Variants in MAP2 observed in about 807,000 individuals in gnomAD.
The protein encoded by MAP2 is microtubule associated protein 2, also known as microtubule-associated protein 2.
MAP2 carries 14 observed loss-of-function variants against 137.6 expected under a neutral mutation model. The ratio of observed to expected loss-of-function variants is 0.10; its 90% CI spans 0.07 to 0.16. The LOEUF (loss-of-function observed/expected upper bound fraction) is 0.16, where lower values mean the gene tolerates loss of function less well. Ranked by LOEUF, MAP2 falls within the 10% of genes least tolerant of loss-of-function variation. The probability of loss-of-function intolerance (pLI) is 1.00; values close to 1 mark genes in which losing one functional copy is unlikely to be tolerated. For missense variants in MAP2, 2,088 were observed against 2,191.5 expected (o/e 0.95, Z 0.94); for synonymous variants, 786 against 782.3 (o/e 1.00, Z -0.08).
intron 1 of MAP2, among the ~76,000 whole-genome samples, chr2:209,439,991 A>C (rs1391424000): frequency 6.6e-6 from 1 of 151,560 alleles, no homozygotes; most frequent in African/African-American, 2.4e-5. Context: ...CACTGTGTTT[A>C]GATTTATCAC....
At chr2:209,659,157 G>A (rs2042255520) in intron 5 of MAP2, among the ~76,000 whole-genome samples, 1 of 152,094 alleles carries the variant, frequency 6.6e-6, no homozygotes, top group Non-Finnish European at 1.5e-5. Flanking sequence ...ACCTCAAGAA[G>A]TGGTATGGAT....
At chr2:209,723,066 A>G (rs1360515664) in intron 13 of MAP2, among the ~76,000 whole-genome samples, 3 of 152,192 alleles carry the variant, frequency 2.0e-5, no homozygotes, top group Non-Finnish European at 4.4e-5. Context: ...CCCTAGATGA[A>G]TGAGAACTCT....
intron 3 of MAP2, among the ~76,000 whole-genome samples, chr2:209,614,303 A>G (rs1470305997): frequency 2.0e-5 from 3 of 152,168 alleles, no homozygotes; most frequent in African/African-American, 7.2e-5. Context: ...TAACAGAAGA[A>G]CGAGGAAAAC....
intron 11 of MAP2, among the ~76,000 whole-genome samples, chr2:209,703,826 C>T (rs569091536): frequency 3.0e-4 from 45 of 152,036 alleles, no homozygotes; most frequent in African/African-American, 6.0e-4. Context: ...TTCTCTACTG[C>T]GTACCAAACA....
chr2:209,599,901 G>A (rs1192541874), intron 3 of MAP2, among the ~76,000 whole-genome samples: 1 of 151,922 alleles, frequency 6.6e-6, no homozygotes, highest in East Asian at 1.9e-4. Context: ...ATATTGAGGG[G>A]GTTAATGAAG....
At chr2:209,486,234 C>CTT (rs201938487) in intron 1 of MAP2, among the ~76,000 whole-genome samples, 34 of 111,340 alleles carry the variant, frequency 3.1e-4, no homozygotes, top group African/African-American at 8.9e-4. Flanking sequence ...CTTGGGAAAT[C>CTT]TTTTCTTTTT....
At chr2:209,585,853 C>T (rs1344862166) in intron 3 of MAP2, among the ~76,000 whole-genome samples, 1 of 152,098 alleles carries the variant, frequency 6.6e-6, no homozygotes, top group Non-Finnish European at 1.5e-5. Context: ...CAAAATGAGC[C>T]TCGGCTTTCC....
At chr2:209,532,422 T>C (rs1453085910) in intron 2 of MAP2, among the ~76,000 whole-genome samples, 2 of 152,176 alleles carry the variant, frequency 1.3e-5, no homozygotes, top group Non-Finnish European at 2.9e-5. Flanking sequence ...TTTCATTGAA[T>C]CCTTTAGCAG....
At chr2:209,514,724 A>G (rs1351743104) in intron 2 of MAP2, among the ~76,000 whole-genome samples, 1 of 152,162 alleles carries the variant, frequency 6.6e-6, no homozygotes, top group Non-Finnish European at 1.5e-5. Flanking sequence ...AGAACTGCAT[A>G]GTAGTACAAG....
chr2:209,536,162 A>G (rs1386495108), intron 2 of MAP2, among the ~76,000 whole-genome samples: 4 of 152,208 alleles, frequency 2.6e-5, no homozygotes, highest in Non-Finnish European at 4.4e-5. Flanking sequence ...ATTCTCCTAA[A>G]CATTTAATAA....
intron 5 of MAP2, among the ~76,000 whole-genome samples, chr2:209,662,961 T>C (rs998185678): frequency 2.6e-5 from 4 of 152,128 alleles, no homozygotes; most frequent in Middle Eastern, 3.4e-3. Context: ...GAGATATATA[T>C]ATATATACAC....
intron 4 of MAP2, among the ~76,000 whole-genome samples, chr2:209,628,943 C>T (rs1245377640): frequency 3.3e-5 from 5 of 152,190 alleles, no homozygotes; most frequent in East Asian, 1.9e-4. Flanking sequence ...CAGTGATAGT[C>T]GTTGCCCTTT....
Position 209,492,389 on chromosome 2 carries a change from A to T in MAP2, c.-221-15203A>T, listed in dbSNP as rs139375783. ...ATTTGAAAACTGGCACAAGAAAAGG[A>T]TGCCCTCTCTCACCACTCCTATTTA... On this transcript the variant is annotated intron_variant, in intron 1 of 15. Transcript: ENST00000682079. Among the ~76,000 whole-genome samples the T allele has an allele frequency of 6.9e-3, 1,047 of 152,322 alleles. 2 individuals carry two copies. Among genetic ancestry groups the T allele is most frequent in the Non-Finnish European group, 0.012 (808 of 68,020 alleles).
At position 209,732,690 on chromosome 2, in the gene MAP2, A is replaced by G. The variant is rs1407012073; in HGVS notation, c.*2293A>G. On this transcript the variant is annotated 3_prime_UTR_variant, in exon 16 of 16. Coordinates refer to ENST00000682079, the MANE Select transcript of MAP2 (RefSeq NM_001375505.1). ...ATAAGTATTTTTCTCAACATTCTTT[A>G]AAGTTTTTATATAAGTTAACACTAG... 1 of 152,646 alleles carries G rather than the reference A, an allele frequency of 6.6e-6. No homozygotes were observed. The highest frequency in any genetic ancestry group is 1.5e-5 in the Non-Finnish European group (1 of 68,038). The allele number at this position is 152,646 out of a possible 1,614,324, so 9.5% of individuals were successfully genotyped here. A position where few individuals can be genotyped will look rare whatever the true frequency, so the allele number is the denominator to read the frequency against.
rs918516039 is a variant in MAP2, at chr2:209,515,793, T to C, written c.-172+8152T>C. Among the ~76,000 whole-genome samples, 11 of 152,112 alleles carry C rather than the reference T, an allele frequency of 7.2e-5. No individual in the cohort carries two copies. The East Asian group carries it at 1.4e-3, about 19-fold the overall frequency. On this transcript the variant is annotated intron_variant, in intron 2 of 15. Coordinates refer to ENST00000682079, the MANE Select transcript of MAP2 (RefSeq NM_001375505.1). Reference sequence around the variant, plus strand: ...AGAAACAATTTTTATTTTTATTTCATTTATTTATGTAGAGACAGAGTCTTA... The same window carrying C: ...AGAAACAATTTTTATTTTTATTTCACTTATTTATGTAGAGACAGAGTCTTA...
chr2:209,710,472 A>T, intron 13 of MAP2: 1 of 495,312 alleles, frequency 2.0e-6, no homozygotes, highest in Non-Finnish European at 3.5e-6. Flanking sequence ...ACTGGGTAAA[A>T]ATTTTTACCA....
At chr2:209,434,909 T>TTATATATATATGTTA (rs1037543369) in intron 1 of MAP2, among the ~76,000 whole-genome samples, 30 of 135,144 alleles carry the variant, frequency 2.2e-4, no homozygotes, top group African/African-American at 8.8e-4. Flanking sequence ...TATATATATG[T>TTATATATATATGTTA]TATATATATG....
chr2:209,682,683 G>T (rs192563514), intron 7 of MAP2, among the ~76,000 whole-genome samples: 1 of 152,058 alleles, frequency 6.6e-6, no homozygotes, highest in Non-Finnish European at 1.5e-5. Context: ...TGAGGAGGAA[G>T]TGTTGGCCAA....
rs1168554355 is a variant in MAP2, at chr2:209,693,980, G to T, written c.1810G>T (p.Glu604Ter). ...ELSDTRESVH[E>*]SIDTMSPMHK... is the part of the protein sequence containing the mutation. The stretch of plus-strand genomic sequence containing the variant: ...GAGTGACACTAGAGAAAGTGTCCAT[G>T]AGTCTATTGATACCATGTCTCCCAT... The change falls in exon 8 of 16, where the codon GAG becomes TAG. Residue 604 changes from glutamate to a stop codon, truncating the protein, a stop_gained. Transcript: ENST00000682079. LOFTEE classifies it high-confidence loss of function. 6.2e-7 allele frequency: 1 copy of T among 1,613,880 alleles called. No homozygotes were observed. Among genetic ancestry groups the T allele is most frequent in the Non-Finnish European group, 8.5e-7 (1 of 1,179,978 alleles).
Sources: gnomAD v4.1 joint callset for allele counts (sites outside exome capture counted in the v4.1 genomes callset) on GRCh38, gnomAD v4.1.1 for gene constraint, MANE v1.5 for transcripts, NCBI Gene and HGNC (gene_info 2026-07-23, HGNC 2026-07-21) for gene names.